The following IMMP2L variants were observed in gnomAD, a reference collection of about 807,000 sequenced individuals.
IMMP2L encodes mitochondrial inner membrane protease subunit 2.
IMMP2L carries 18 observed loss-of-function variants against 19.3 expected under a neutral mutation model. The observed-to-expected ratio is 0.93, with a 90% CI of 0.64 to 1.38. The LOEUF (loss-of-function observed/expected upper bound fraction) is 1.38. Ranked by LOEUF, IMMP2L falls within the 40% of genes most tolerant of loss-of-function variation. The pLI is 0.00. For missense variants in IMMP2L, 233 were observed against 218.2 expected, an observed-to-expected ratio of 1.07 and a Z score of -0.43; for synonymous variants, 76 against 73.0, an observed-to-expected ratio of 1.04 and a Z score of -0.21.
chr7:111,405,607 T>G (rs1303615287), intron 3 of IMMP2L, among the ~76,000 whole-genome samples: 3 of 152,144 alleles, frequency 2.0e-5, no homozygotes, highest in African/African-American at 7.2e-5. Flanking sequence ...AAAACATAGT[T>G]GAAGTGAGGA....
intron 3 of IMMP2L, among the ~76,000 whole-genome samples, chr7:111,461,496 G>A (rs1247835707): frequency 6.6e-6 from 1 of 151,968 alleles, no homozygotes; most frequent in African/African-American, 2.4e-5. Flanking sequence ...TCCCTAAAGA[G>A]TTGTAATCAT....
chr7:110,692,293 G>A (rs1267260592), intron 5 of IMMP2L, among the ~76,000 whole-genome samples: 1 of 152,134 alleles, frequency 6.6e-6, no homozygotes, highest in African/African-American at 2.4e-5. Context: ...GCTAAGCTAT[G>A]GGTATGCAAA....
chr7:111,429,707 C>T (rs1171138790), intron 3 of IMMP2L, among the ~76,000 whole-genome samples: 2 of 151,786 alleles, frequency 1.3e-5, no homozygotes, highest in African/African-American at 4.9e-5. Context: ...ATTGAGACTC[C>T]CACAACTAAA....
chr7:110,891,169 G>A (rs752942613), intron 4 of IMMP2L, among the ~76,000 whole-genome samples: 2 of 150,440 alleles, frequency 1.3e-5, no homozygotes, highest in African/African-American at 2.4e-5. Context: ...CCAGAAGTCA[G>A]GGGCTCTGGA....
chr7:111,185,144 C>A (rs1808126482), intron 3 of IMMP2L, among the ~76,000 whole-genome samples: 1 of 152,166 alleles, frequency 6.6e-6, no homozygotes, highest in Admixed American at 6.5e-5. Flanking sequence ...AAAGCTATGG[C>A]AGTGGTCCAG....
chr7:111,130,218 CT>C (rs1362424579), intron 3 of IMMP2L, among the ~76,000 whole-genome samples: 1 of 152,062 alleles, frequency 6.6e-6, no homozygotes, highest in Non-Finnish European at 1.5e-5. Flanking sequence ...GTCAATACGA[CT>C]TTTTCTTAGG....
chr7:111,332,340 A>C (rs970026483), intron 3 of IMMP2L, among the ~76,000 whole-genome samples: 1 of 152,008 alleles, frequency 6.6e-6, no homozygotes. Context: ...AAATCAAAAC[A>C]TCAGTCTTTT....
intron 3 of IMMP2L, among the ~76,000 whole-genome samples, chr7:111,438,222 TAG>T (rs934399155): frequency 2.6e-5 from 4 of 151,792 alleles, no homozygotes; most frequent in African/African-American, 9.7e-5. Context: ...TGTTTACTAT[TAG>T]ACACATATCA....
Position 110,757,124 on chromosome 7 carries a change from T to C in IMMP2L, c.409-93403A>G, listed in dbSNP as rs886631350. Among the ~76,000 whole-genome samples, 4 of 151,948 alleles carry C rather than the reference T, an allele frequency of 2.6e-5. No homozygotes were observed. Among genetic ancestry groups the C allele is most frequent in the South Asian group, 4.2e-4 (2 of 4,816 alleles). On this transcript the variant is annotated intron_variant, in intron 5 of 5. Coordinates refer to ENST00000405709, the MANE Select transcript of IMMP2L (RefSeq NM_032549.4). This position sits in a 1 kb window ranked among gnomAD's most constrained non-coding sequence, Gnocchi z 4.2. ...TAAATAAGTTAAATGATATAGCATG[T>C]TAGTTAGATTGAAATACGCGTAATG...
intron 3 of IMMP2L, among the ~76,000 whole-genome samples, chr7:111,207,188 G>T (rs778195968): frequency 2.6e-5 from 4 of 152,116 alleles, no homozygotes; most frequent in Non-Finnish European, 5.9e-5. Context: ...ATATACCTTG[G>T]AAAGGATACA....
intron 5 of IMMP2L, among the ~76,000 whole-genome samples, chr7:110,871,821 T>A (rs2129543884): frequency 1.3e-5 from 2 of 152,316 alleles, no homozygotes; most frequent in Middle Eastern, 6.8e-3. Flanking sequence ...TGAAATACTA[T>A]CTGGCACACA....
At chr7:111,444,397 T>C (rs1199567805) in intron 3 of IMMP2L, among the ~76,000 whole-genome samples, 1 of 152,108 alleles carries the variant, frequency 6.6e-6, no homozygotes, top group Non-Finnish European at 1.5e-5. Context: ...CTTACAAGCT[T>C]GGACAAGTTT....
At chr7:110,831,778 T>C (rs569667197) in intron 5 of IMMP2L, among the ~76,000 whole-genome samples, 1 of 152,314 alleles carries the variant, frequency 6.6e-6, no homozygotes, top group Admixed American at 6.5e-5. Context: ...ATTTGTTCTC[T>C]AGACATTTGG....
intron 3 of IMMP2L, among the ~76,000 whole-genome samples, chr7:111,073,840 T>C (rs1795163133): frequency 6.6e-6 from 1 of 152,216 alleles, no homozygotes. Context: ...ACACTAATGT[T>C]CTTTAATTAT....
intron 5 of IMMP2L, among the ~76,000 whole-genome samples, chr7:110,841,706 T>C (rs1307147146): frequency 6.6e-6 from 1 of 152,094 alleles, no homozygotes; most frequent in Non-Finnish European, 1.5e-5. Flanking sequence ...TTTAAAGAAC[T>C]GGGGCTTAAG....
At chr7:110,752,026 C>T (rs1208181004) in intron 5 of IMMP2L, among the ~76,000 whole-genome samples, 1 of 151,936 alleles carries the variant, frequency 6.6e-6, no homozygotes, top group Non-Finnish European at 1.5e-5. Context: ...CTAGGATTAG[C>T]ACCTCATAAA....
intron 3 of IMMP2L, among the ~76,000 whole-genome samples, chr7:111,295,457 G>C (rs1036559377): frequency 2.6e-5 from 4 of 151,880 alleles, no homozygotes; most frequent in African/African-American, 7.2e-5. Context: ...AAGTTGAACA[G>C]ATTAAGAGTG....
chr7:110,855,854 G>A (rs1469442384), intron 5 of IMMP2L, among the ~76,000 whole-genome samples: 1 of 151,810 alleles, frequency 6.6e-6, no homozygotes, highest in African/African-American at 2.4e-5. Context: ...CTTGCCAATC[G>A]ATATCTTAAT....
chr7:111,523,904 T>A (rs1239528859), intron 1 of IMMP2L, among the ~76,000 whole-genome samples: 1 of 152,132 alleles, frequency 6.6e-6, no homozygotes, highest in East Asian at 1.9e-4. Flanking sequence ...AGCCCTTGAG[T>A]GAAACTAATT....
Sources: allele counts gnomAD v4.1 joint callset (sites outside exome capture counted in the v4.1 genomes callset), GRCh38; gene constraint gnomAD v4.1.1; non-coding constraint Gnocchi (gnomAD v3.1); transcripts MANE v1.5; gene names NCBI Gene and HGNC (gene_info 2026-07-23, HGNC 2026-07-21).